DOCK1: variants seen among roughly 807,000 people sequenced by gnomAD.
DOCK1 encodes the protein dedicator of cytokinesis protein 1.
Under a neutral mutation model 262.7 loss-of-function variants are expected in DOCK1, and 138 were observed. The observed-to-expected ratio is 0.53, with a 90% CI of 0.46 to 0.61. DOCK1 has a LOEUF of 0.61. Among genes scored for constraint, DOCK1 ranks in the 20% least tolerant of loss-of-function variants. The probability of loss-of-function intolerance (pLI) is 0.00; values close to 1 mark genes in which losing one functional copy is unlikely to be tolerated. For synonymous variants in DOCK1, 866 were observed against 867.4 expected, an observed-to-expected ratio of 1.00 and a Z score of 0.03; for missense variants, 1,908 against 2,370.7, an observed-to-expected ratio of 0.80 and a Z score of 4.05.
intron 1 of DOCK1, among the ~76,000 whole-genome samples, chr10:126,952,214 G>A (rs932714463): frequency 2.0e-5 from 3 of 151,902 alleles, no homozygotes; most frequent in African/African-American, 4.8e-5. Context: ...TTGGTGATAC[G>A]GTAGTATTGT....
intron 23 of DOCK1, among the ~76,000 whole-genome samples, chr10:127,095,275 T>G (rs911615652): frequency 1.3e-5 from 2 of 152,208 alleles, no homozygotes; most frequent in African/African-American, 4.8e-5. Flanking sequence ...CTGCAAGGCA[T>G]CACTGTAGCC....
chr10:127,356,607 TGAGA>T (rs1249520547), intron 32 of DOCK1, among the ~76,000 whole-genome samples: 4 of 150,256 alleles, frequency 2.7e-5, no homozygotes, highest in African/African-American at 7.3e-5. Context: ...TGTGGTCCCA[TGAGA>T]GAGAGAGAGA....
intron 23 of DOCK1, among the ~76,000 whole-genome samples, chr10:127,079,930 C>G (rs1344881647): frequency 6.6e-6 from 1 of 152,094 alleles, no homozygotes; most frequent in East Asian, 1.9e-4. Flanking sequence ...AAACTCTGTC[C>G]CAATAAAAAA....
At chr10:127,232,969 G>A (rs2058907539) in intron 27 of DOCK1, among the ~76,000 whole-genome samples, 1 of 152,184 alleles carries the variant, frequency 6.6e-6, no homozygotes, top group Non-Finnish European at 1.5e-5. Context: ...CTGTTGCAAA[G>A]TGACTTTCAA....
intron 23 of DOCK1, among the ~76,000 whole-genome samples, chr10:127,065,925 AGAG>A (rs1414002886): frequency 4.5e-4 from 68 of 152,170 alleles, no homozygotes; most frequent in African/African-American, 1.4e-3. Flanking sequence ...TTTCCTCTGA[AGAG>A]GAGAAGCCCA....
chr10:127,156,549 TCTTCTTCTTC>T (rs1564849316), intron 27 of DOCK1, among the ~76,000 whole-genome samples: 3 of 93,154 alleles, frequency 3.2e-5, no homozygotes, highest in African/African-American at 1.2e-4. Flanking sequence ...TTCTTCTTCT[TCTTCTTCTTC>T]TTCTTTTTTT....
rs1381386504 is a variant in DOCK1, at chr10:127,446,758, A to G, written c.5414-636A>G. Among the ~76,000 whole-genome samples, 2 of 152,210 alleles carry G rather than the reference A, an allele frequency of 1.3e-5. No homozygotes were observed. Among genetic ancestry groups the G allele is most frequent in the African/African-American group, 4.8e-5 (2 of 41,452 alleles). Reference sequence around the variant, plus strand: ...AAGGTTTGAGAAAATATCCTGCCTTAATGATTATTCCTCCGTTTGAAAACG... The same window carrying G: ...AAGGTTTGAGAAAATATCCTGCCTTGATGATTATTCCTCCGTTTGAAAACG... On this transcript the variant is annotated intron_variant, in intron 50 of 51. Coordinates refer to ENST00000623213, the MANE Select transcript of DOCK1 (RefSeq NM_001290223.2). This position sits in a 1 kb window ranked among gnomAD's most constrained non-coding sequence, Gnocchi z 4.4.
chr10:127,140,152 A>C (rs1434272266), intron 27 of DOCK1, among the ~76,000 whole-genome samples: 5 of 152,234 alleles, frequency 3.3e-5, no homozygotes, highest in Admixed American at 2.6e-4. Flanking sequence ...TCCTAGGCTA[A>C]CAGTACAATT....
chr10:127,404,159 T>A (rs1377642672), intron 39 of DOCK1, among the ~76,000 whole-genome samples, 166 bp from the exon 40 acceptor site: 1 of 151,978 alleles, frequency 6.6e-6, no homozygotes, highest in Non-Finnish European at 1.5e-5. Flanking sequence ...TGAGATGAAA[T>A]TCAGGTGCAA....
Position 127,362,837 on chromosome 10 carries a change from A to ACACATGCACGTCCCCC in DOCK1, c.3432+629_3432+630insTGCACGTCCCCCCACA. ...TGGGTTGGCACCCACACCCACACAT[A>ACACATGCACGTCCCCC]CACACACACACACACATGTACATCC... On this transcript the variant is annotated intron_variant, in intron 33 of 51. Coordinates refer to ENST00000623213, the MANE Select transcript of DOCK1 (RefSeq NM_001290223.2). 4.7e-4 allele frequency among the ~76,000 whole-genome samples: 4 copies of ACACATGCACGTCCCCC among 8,578 alleles called. 2 individuals carry two copies. Among genetic ancestry groups the ACACATGCACGTCCCCC allele is most frequent in the Non-Finnish European group, 8.8e-4 (4 of 4,548 alleles). 5.6% of individuals were successfully genotyped at this position (8,578 alleles called of 152,430 possible).
Position 127,425,854 on chromosome 10 carries a change from T to A in DOCK1, c.4777-20T>A. ...ACCATTATCCAAGAAATAAGGAATG[T>A]CAACCTCTCTGTTTTCCAGATTCCT... is the stretch of plus-strand genomic sequence containing the variant. On this transcript the variant is annotated intron_variant, in intron 46 of 51. Transcript: ENST00000623213. 1 of 1,613,860 alleles carries A rather than the reference T, an allele frequency of 6.2e-7. No homozygotes were observed. The highest frequency in any genetic ancestry group is 8.5e-7 in the Non-Finnish European group (1 of 1,179,820).
At position 127,024,700 on chromosome 10, in the gene DOCK1, G is replaced by A; in HGVS notation, c.1468G>A (p.Gly490Ser). The change falls in exon 15 of 52, where the codon GGT becomes AGT. Residue 490 changes from glycine to serine, a missense_variant. Physicochemically the swap from Gly to Ser is moderately conservative, Grantham distance 56. Transcript: ENST00000623213. The part of the protein sequence containing the change: ...GKRLEHVIFP[G>S]AGDEAISEYK... ...TCTTTTAAAGCATGTGATTTTCCCG[G>A]GTGCTGGTGATGAAGCGATTTCAGA... 1.2e-6 allele frequency: 2 copies of A among 1,611,334 alleles called. No homozygotes were observed. Among genetic ancestry groups the A allele is most frequent in the Non-Finnish European group, 1.7e-6 (2 of 1,178,928 alleles).
chr10:127,028,802 G>A (rs1201855863), intron 16 of DOCK1, among the ~76,000 whole-genome samples: 1 of 152,154 alleles, frequency 6.6e-6, no homozygotes, highest in African/African-American at 2.4e-5. Context: ...TGGTGGAATG[G>A]GGGTGGCTGT....
At chr10:127,379,896 A>G (rs2065732852) in intron 35 of DOCK1, among the ~76,000 whole-genome samples, 186 bp from the exon 36 acceptor site, 1 of 149,016 alleles carries the variant, frequency 6.7e-6, no homozygotes, top group Admixed American at 6.7e-5. Context: ...TTTGACTAGC[A>G]AAAAAAAAAG....
At chr10:127,272,601 G>GT (rs1381503263) in intron 29 of DOCK1, among the ~76,000 whole-genome samples, 1 of 152,134 alleles carries the variant, frequency 6.6e-6, no homozygotes, top group African/African-American at 2.4e-5. Flanking sequence ...AGCTTTTCTG[G>GT]TTTGCTGCTG....
chr10:127,043,668 G>A (rs1030921513), intron 21 of DOCK1, among the ~76,000 whole-genome samples: 4 of 152,160 alleles, frequency 2.6e-5, no homozygotes, highest in Admixed American at 6.5e-5. Flanking sequence ...CCCTCTGCCC[G>A]TCTGTGCCCC....
rs1021735649 is a variant in DOCK1 at position 127,437,996 on chromosome 10, G to T, written c.5061-1031G>T. ...TGAGGCTCAGAGCTCCAAAGAGCAG[G>T]CTGTATTTTGAAAATGTAAGATCCT... On this transcript the variant is annotated intron_variant, in intron 48 of 51. Coordinates refer to ENST00000623213, the MANE Select transcript of DOCK1 (RefSeq NM_001290223.2). This position sits in a 1 kb window ranked among gnomAD's most constrained non-coding sequence, Gnocchi z 4.4. Among the ~76,000 whole-genome samples the T allele has an allele frequency of 7.9e-5, 12 of 152,196 alleles. No homozygotes were observed. The highest frequency in any genetic ancestry group is 2.6e-4 in the Admixed American group (4 of 15,284).
intron 16 of DOCK1, among the ~76,000 whole-genome samples, chr10:127,030,661 TG>T (rs2043173182): frequency 6.6e-6 from 1 of 152,222 alleles, no homozygotes; most frequent in East Asian, 1.9e-4. Flanking sequence ...GAGTACCTGT[TG>T]GGCACCAGGC....
intron 27 of DOCK1, among the ~76,000 whole-genome samples, chr10:127,130,948 A>C (rs1473111760): frequency 1.3e-5 from 2 of 152,118 alleles, no homozygotes; most frequent in African/African-American, 4.8e-5. Context: ...TGTTCAGGGA[A>C]ATAAGCACCT....
Sources: gnomAD v4.1 joint callset for allele counts (sites outside exome capture counted in the v4.1 genomes callset) on GRCh38, gnomAD v4.1.1 for gene constraint, Gnocchi (gnomAD v3.1) non-coding constraint, MANE v1.5 for transcripts, NCBI Gene and HGNC (gene_info 2026-07-23, HGNC 2026-07-21) for gene names.